XPO4: variants seen among roughly 807,000 people sequenced by gnomAD.
The protein encoded by XPO4 is exportin-4.
Under a neutral mutation model 143.0 loss-of-function variants are expected in XPO4, and 39 were observed. The ratio of observed to expected loss-of-function variants is 0.27; its 90% confidence interval spans 0.21 to 0.36. The LOEUF (loss-of-function observed/expected upper bound fraction) is 0.36, where lower values mean the gene tolerates loss of function less well. Ranked by LOEUF, XPO4 falls within the 10% of genes least tolerant of loss-of-function variation. The probability of loss-of-function intolerance (pLI) is 1.00; values close to 1 mark genes in which losing one functional copy is unlikely to be tolerated. For missense variants in XPO4, 907 were observed against 1,348.0 expected, an observed-to-expected ratio of 0.67 and a Z score of 5.12; for synonymous variants, 439 against 474.0, an observed-to-expected ratio of 0.93 and a Z score of 0.96.
chr13:20,883,023 C>T (rs554736147), intron 1 of XPO4, among the ~76,000 whole-genome samples: 1 of 152,266 alleles, frequency 6.6e-6, no homozygotes, highest in South Asian at 2.1e-4. Flanking sequence ...CTTCCTTTTT[C>T]CCACCAAAAG....
At chr13:20,840,299 C>G (rs1760172337) in intron 6 of XPO4, among the ~76,000 whole-genome samples, 1 of 152,030 alleles carries the variant, frequency 6.6e-6, no homozygotes, top group African/African-American at 2.4e-5. Context: ...CTTCAACCTT[C>G]CAGGCTCAAG....
chr13:20,851,653 T>G, intron 4 of XPO4: 5 of 666,226 alleles, frequency 7.5e-6, no homozygotes, highest in Non-Finnish European at 7.3e-6. Flanking sequence ...AAGGCTGCAG[T>G]AGGCCAAGAC....
intron 1 of XPO4, chr13:20,902,288 A>G: frequency 1.0e-6 from 1 of 985,330 alleles, no homozygotes; most frequent in Non-Finnish European, 1.2e-6. Flanking sequence ...ACTCCCCAAG[A>G]GCGCTCACAC....
chr13:20,871,048 T>C (rs1366787803), intron 1 of XPO4, among the ~76,000 whole-genome samples: 4 of 152,226 alleles, frequency 2.6e-5, no homozygotes, highest in Admixed American at 6.5e-5. Flanking sequence ...ACCTCAGTGA[T>C]CTGCCTGCCT....
chr13:20,883,398 A>C (rs2060431683), intron 1 of XPO4, among the ~76,000 whole-genome samples: 1 of 152,270 alleles, frequency 6.6e-6, no homozygotes, highest in Non-Finnish European at 1.5e-5. Flanking sequence ...CGTATTACTG[A>C]TATCACAGTG....
Position 20,843,010 on chromosome 13 carries a change from T to A in XPO4, c.612A>T (p.Glu204Asp). 6.2e-7 allele frequency: 1 copy of A among 1,612,954 alleles called. No individual in the cohort carries two copies. The highest frequency in any genetic ancestry group is 8.5e-7 in the Non-Finnish European group (1 of 1,179,224). Residue 204 changes from glutamate (E) to aspartate (D), a missense_variant, in exon 6 of 23, where the codon GAA becomes GAT. Transcript: ENST00000255305. Reference protein sequence around the residue: ...DLRQIFMLTVEVLQEFSRREN... With the variant: ...DLRQIFMLTVDVLQEFSRREN... ...CCCGCCTGCTGAACTCCTGCAGAAC[T>A]TCAACAGTTAACATGAAGATCTGAC...
Position 20,868,574 on chromosome 13 carries a change from T to C in XPO4, c.175+22A>G, listed in dbSNP as rs775234468. The stretch of plus-strand genomic sequence containing the variant: ...GATCTGATTATGCCAAAATATTTTA[T>C]ATTTTTTAAGTGAATACTTACCCAA... On this transcript the variant is annotated intron_variant, in intron 2 of 22. Transcript: ENST00000255305. 5.0e-6 allele frequency: 8 copies of C among 1,605,966 alleles called. No homozygotes were observed. The Admixed American group carries it at 6.8e-5, about 14-fold the overall frequency.
intron 13 of XPO4, among the ~76,000 whole-genome samples, chr13:20,804,360 T>C (rs1034503065): frequency 2.0e-5 from 3 of 152,128 alleles, no homozygotes; most frequent in African/African-American, 7.2e-5. Flanking sequence ...AGCCATTCTT[T>C]TATTCCTTTA....
At position 20,893,303 on chromosome 13, in the gene XPO4, A is replaced by G. The variant is rs1276953639; in HGVS notation, c.69+9367T>C. Among the ~76,000 whole-genome samples the G allele has an allele frequency of 2.0e-5, 3 of 152,328 alleles. No individual in the cohort carries two copies. In the East Asian group the frequency reaches 5.8e-4, roughly 29 times the overall value. On this transcript the variant is annotated intron_variant, in intron 1 of 22. Coordinates refer to ENST00000255305, the MANE Select transcript of XPO4 (RefSeq NM_022459.5). ...TCATTTTCACTGGGCCCTGCAAATT[A>G]TGTAGGTAGCCCTGGCTGGACAACA...
intron 22 of XPO4, among the ~76,000 whole-genome samples, chr13:20,784,746 C>T (rs2059179891): frequency 6.6e-6 from 1 of 152,028 alleles, no homozygotes; most frequent in Non-Finnish European, 1.5e-5. Flanking sequence ...AATTTGAGAC[C>T]AGCCTGAGCA....
At position 20,808,489 on chromosome 13, in the gene XPO4, T is replaced by C. The variant is rs1168219586; in HGVS notation, c.1586A>G (p.Asn529Ser). 6.4e-7 allele frequency: 1 copy of C among 1,573,112 alleles called. No individual in the cohort carries two copies. Among genetic ancestry groups the C allele is most frequent in the South Asian group, 1.2e-5 (1 of 85,926 alleles). ...TTCATAGAGATCATCAAGCATTTTG[T>C]TGTCAACAGTGCTTGAACCCGGTGA... ...LASPGSSTVD[N>S]KMLDDLYEDI... Residue 529 changes from asparagine (N) to serine (S), a missense_variant, in exon 12 of 23, where the codon AAC becomes AGC. Asn to Ser is a conservative substitution (Grantham distance 46). Coordinates refer to ENST00000255305, the MANE Select transcript of XPO4 (RefSeq NM_022459.5).
At chr13:20,866,859 T>C (rs1365926144) in intron 2 of XPO4, among the ~76,000 whole-genome samples, 1 of 152,222 alleles carries the variant, frequency 6.6e-6, no homozygotes, top group African/African-American at 2.4e-5. Flanking sequence ...TCTAATAAAA[T>C]ACTTGTAAGT....
At chr13:20,888,333 TA>T (rs1194475271) in intron 1 of XPO4, among the ~76,000 whole-genome samples, 1 of 152,156 alleles carries the variant, frequency 6.6e-6, no homozygotes, top group Non-Finnish European at 1.5e-5. Flanking sequence ...TGAGAAGATA[TA>T]AAAGAAACCT....
chr13:20,782,194 T>TA lies in XPO4; in HGVS notation c.*1527dup, dbSNP rs562247559. On this transcript the variant is annotated 3_prime_UTR_variant, in exon 23 of 23. Transcript: ENST00000255305. ...GCACAGCATCACATGTAATGACACA[T>TA]ATGCTATATGCAATCAGGTAGAAAA... is the stretch of plus-strand genomic sequence containing the variant. 3.2e-4 allele frequency: 48 copies of TA among 152,356 alleles called. No homozygotes were observed. The highest frequency in any genetic ancestry group is 1.1e-3 in the African/African-American group (44 of 41,592). The allele number at this position is 152,356 out of a possible 1,614,324, so 9.4% of individuals were successfully genotyped here.
In XPO4 at chr13:20,796,139, G is replaced by A; in HGVS notation, c.2734C>T (p.Leu912Phe). Residue 912 changes from leucine (L) to phenylalanine (F), a missense_variant, in exon 18 of 23, where the codon CTT (leucine) becomes TTT (phenylalanine). Leu to Phe is a conservative substitution (Grantham distance 22, BLOSUM62 0). Coordinates refer to ENST00000255305, the MANE Select transcript of XPO4 (RefSeq NM_022459.5). ...TTAGTAAGAAGTTCCATAATGAGAA[G>A]CAGGTCTTGGTATTGCTCTTCTTCT... ...TAEEEQYQDL[L>F]LIMELLTNLL... 6.2e-7 allele frequency: 1 copy of A among 1,613,798 alleles called. No individual in the cohort carries two copies. Among genetic ancestry groups the A allele is most frequent in the Non-Finnish European group, 8.5e-7 (1 of 1,179,892 alleles).
rs1035576935 is a variant in XPO4, at chr13:20,895,225, G to A, written c.69+7445C>T. Among the ~76,000 whole-genome samples the A allele has an allele frequency of 3.9e-5, 6 of 152,080 alleles. No homozygotes were observed. In the South Asian group the frequency reaches 8.3e-4, roughly 21 times the overall value. ...ATGCAACATTCAAATTTACTAAAAC[G>A]GAGTATTAATTTATGGTCTAAATTT... On this transcript the variant is annotated intron_variant, in intron 1 of 22. Coordinates refer to ENST00000255305, the MANE Select transcript of XPO4 (RefSeq NM_022459.5).
chr13:20,810,422 C>T (rs1265301501), intron 9 of XPO4, among the ~76,000 whole-genome samples: 1 of 152,122 alleles, frequency 6.6e-6, no homozygotes, highest in Non-Finnish European at 1.5e-5. Flanking sequence ...AAATTCCATA[C>T]AGTAGAAAAG....
At chr13:20,898,993 T>C (rs893421987) in intron 1 of XPO4, among the ~76,000 whole-genome samples, 3 of 151,974 alleles carry the variant, frequency 2.0e-5, no homozygotes, top group African/African-American at 7.3e-5. Context: ...CACAGTGAGA[T>C]CCTCTCTACA....
At chr13:20,863,202 G>T (rs1382980561) in intron 2 of XPO4, 2 of 756,032 alleles carry the variant, frequency 2.6e-6, no homozygotes, top group Non-Finnish European at 3.3e-6. Flanking sequence ...TTCTCACCCT[G>T]TGCAAAACAG....
Sources: allele counts gnomAD v4.1 joint callset (sites outside exome capture counted in the v4.1 genomes callset), GRCh38; gene constraint gnomAD v4.1.1; transcripts MANE v1.5; gene names NCBI Gene and HGNC (gene_info 2026-07-23, HGNC 2026-07-21).